Variants in B3GAT2 observed in about 807,000 individuals in gnomAD.
B3GAT2 encodes galactosylgalactosylxylosylprotein 3-beta-glucuronosyltransferase 2.
B3GAT2 carries 26 observed loss-of-function variants against 27.8 expected under a neutral mutation model. That is an observed-to-expected ratio of 0.93 (90% CI 0.68 to 1.30). The LOEUF (loss-of-function observed/expected upper bound fraction) is 1.30. Among genes scored for constraint, B3GAT2 ranks in the 50% most tolerant of loss-of-function variants. The pLI is 0.00. For synonymous variants in B3GAT2, 218 were observed against 195.1 expected (o/e 1.12, Z -0.98); for missense variants, 458 against 459.0 (o/e 1.00, Z 0.02).
chr6:70,956,630 A>G lies in B3GAT2; in HGVS notation c.-201T>C, dbSNP rs559849290. ...GGAGCGGCAGGTTCGCGCAAGCTAGAGCGACAAGGGGTGCAGGCGGGCGGG... is the reference window on the plus strand; with the variant it reads ...GGAGCGGCAGGTTCGCGCAAGCTAGGGCGACAAGGGGTGCAGGCGGGCGGG... On this transcript the variant is annotated 5_prime_UTR_variant, in exon 1 of 4. Coordinates refer to ENST00000230053, the MANE Select transcript of B3GAT2 (RefSeq NM_080742.3). 61 of 1,415,988 alleles carry G rather than the reference A, an allele frequency of 4.3e-5. No homozygotes were observed. Among genetic ancestry groups the G allele is most frequent in the Non-Finnish European group, 5.1e-5 (56 of 1,090,390 alleles). The allele number at this position is 1,415,988 out of a possible 1,614,324, so 87.7% of individuals were successfully genotyped here.
chr6:70,925,487 CAGG>C (rs1219782544), intron 1 of B3GAT2, among the ~76,000 whole-genome samples: 4 of 152,238 alleles, frequency 2.6e-5, no homozygotes, highest in African/African-American at 9.6e-5. Context: ...AACGGCACAC[CAGG>C]AGATTATAAC....
rs763680241 is a variant in B3GAT2 at position 70,956,206 on chromosome 6, G to C, written c.224C>G (p.Pro75Arg). The change falls in exon 1 of 4, where the codon CCG becomes CGG. Residue 75 changes from proline to arginine, a missense_variant. Pro to Arg is a moderately radical substitution (Grantham distance 103, BLOSUM62 -2). Transcript: ENST00000230053. ...KRNQSRPQPQ[P>R]EPQLPTIYAI... ...ATAGATGGTGGGCAGCTGCGGCTCC[G>C]GCTGTGGCTGCGGCCGAGACTGGTT... is the stretch of plus-strand genomic sequence containing the variant. 26 of 1,612,252 alleles carry C rather than the reference G, an allele frequency of 1.6e-5. No individual in the cohort carries two copies. The South Asian group carries it at 2.9e-4, about 18-fold the overall frequency.
In B3GAT2 at chr6:70,957,028, T is replaced by C. The variant is rs1765669639; in HGVS notation, c.-599A>G. 1.0e-5 allele frequency: 10 copies of C among 990,224 alleles called. No homozygotes were observed. The highest frequency in any genetic ancestry group is 1.1e-5 in the Non-Finnish European group (9 of 833,676). 61.3% of individuals were successfully genotyped at this position (990,224 alleles called of 1,614,324 possible). On this transcript the variant is annotated 5_prime_UTR_variant, in exon 1 of 4. Coordinates refer to ENST00000230053, the MANE Select transcript of B3GAT2 (RefSeq NM_080742.3). The stretch of plus-strand genomic sequence containing the variant: ...GAAGCCTGCTCTCAGTCCCTTGCTC[T>C]TGTCTTCTCAGAACCTCTCCGGATC...
chr6:70,896,436 C>T (rs1772387038), intron 1 of B3GAT2, among the ~76,000 whole-genome samples: 1 of 152,126 alleles, frequency 6.6e-6, no homozygotes, highest in South Asian at 2.1e-4. Flanking sequence ...AAATTAGACA[C>T]ATTTTGACAT....
chr6:70,916,300 G>A (rs1335187267), intron 1 of B3GAT2, among the ~76,000 whole-genome samples: 2 of 152,144 alleles, frequency 1.3e-5, no homozygotes, highest in African/African-American at 4.8e-5. Flanking sequence ...GAGATTTGGA[G>A]CTGAGACGAT....
chr6:70,873,536 T>C (rs1771969603), intron 2 of B3GAT2, among the ~76,000 whole-genome samples: 1 of 152,146 alleles, frequency 6.6e-6, no homozygotes, highest in South Asian at 2.1e-4. Context: ...ATGATGTGTC[T>C]AGGTATGAAT....
intron 1 of B3GAT2, among the ~76,000 whole-genome samples, chr6:70,901,512 A>G (rs1772498674): frequency 6.6e-6 from 1 of 152,280 alleles, no homozygotes; most frequent in African/African-American, 2.4e-5. Context: ...GACATAGCCA[A>G]TTGAAACAGC....
chr6:70,932,586 C>T (rs1282288968), intron 1 of B3GAT2, among the ~76,000 whole-genome samples: 7 of 151,888 alleles, frequency 4.6e-5, no homozygotes, highest in Admixed American at 6.6e-5. Context: ...GTACCTAGTC[C>T]GATTCATGGA....
chr6:70,884,127 C>T (rs1191053255), intron 2 of B3GAT2, among the ~76,000 whole-genome samples: 6 of 149,778 alleles, frequency 4.0e-5, no homozygotes, highest in Admixed American at 3.3e-4. Flanking sequence ...AAAAAACCCG[C>T]AACCACACAA....
At chr6:70,930,250 C>T (rs530863574) in intron 1 of B3GAT2, among the ~76,000 whole-genome samples, 1 of 152,172 alleles carries the variant, frequency 6.6e-6, no homozygotes, top group African/African-American at 2.4e-5. Flanking sequence ...TAGAAGAAAA[C>T]GTAGGCTATA....
At chr6:70,876,547 T>C (rs961065950) in intron 2 of B3GAT2, among the ~76,000 whole-genome samples, 1 of 152,228 alleles carries the variant, frequency 6.6e-6, no homozygotes, top group African/African-American at 2.4e-5. Flanking sequence ...TATCATCTTA[T>C]ACGGTTATTG....
At chr6:70,920,092 G>A (rs1772842459) in intron 1 of B3GAT2, among the ~76,000 whole-genome samples, 1 of 151,360 alleles carries the variant, frequency 6.6e-6, no homozygotes, top group Non-Finnish European at 1.5e-5. Context: ...TGTTTACGCT[G>A]TGAGCATAGA....
At chr6:70,955,341 A>C (rs1288454222) in intron 1 of B3GAT2, among the ~76,000 whole-genome samples, 1 of 151,988 alleles carries the variant, frequency 6.6e-6, no homozygotes, top group African/African-American at 2.4e-5. Flanking sequence ...CTTTCTCCCT[A>C]TATGGTCCTA....
chr6:70,872,800 TA>T (rs1225139786), intron 2 of B3GAT2, among the ~76,000 whole-genome samples: 7 of 152,120 alleles, frequency 4.6e-5, no homozygotes, highest in African/African-American at 1.4e-4. Flanking sequence ...ATTAAACAAA[TA>T]TTTCCTAGTG....
In B3GAT2 at chr6:70,860,310, T is replaced by A. The variant is rs140737850; in HGVS notation, c.*1353A>T. ...GGTCTGGAAGCTCATCAGGTCAGAC[T>A]CTCAGCACACAACTGTGGAAATGAA... is the stretch of plus-strand genomic sequence containing the variant. On this transcript the variant is annotated 3_prime_UTR_variant, in exon 4 of 4. Transcript: ENST00000230053. 136 of 1,612,734 alleles carry A rather than the reference T, an allele frequency of 8.4e-5. No homozygotes were observed. The African/African-American group carries it at 1.6e-3, about 19-fold the overall frequency.
chr6:70,948,805 G>A (rs1158835948), intron 1 of B3GAT2, among the ~76,000 whole-genome samples: 2 of 152,186 alleles, frequency 1.3e-5, no homozygotes, highest in Non-Finnish European at 2.9e-5. Context: ...CAAAGCTGGA[G>A]GCATCACACT....
At chr6:70,895,737 C>T (rs983357905) in intron 1 of B3GAT2, among the ~76,000 whole-genome samples, 10 of 151,980 alleles carry the variant, frequency 6.6e-5, no homozygotes, top group Middle Eastern at 3.4e-3. Flanking sequence ...CATTGGTCTG[C>T]CTCAAATCTA....
intron 1 of B3GAT2, among the ~76,000 whole-genome samples, chr6:70,917,839 A>T (rs951524001): frequency 1.2e-4 from 18 of 152,126 alleles, no homozygotes; most frequent in African/African-American, 3.6e-4. Flanking sequence ...TTTTAGAATA[A>T]GTGTGATGTG....
At chr6:70,946,502 A>C (rs1765486054) in intron 1 of B3GAT2, among the ~76,000 whole-genome samples, 1 of 152,104 alleles carries the variant, frequency 6.6e-6, no homozygotes. Context: ...ACATAACGGT[A>C]AAGGGATCAA....
Sources: gnomAD v4.1 joint callset for allele counts (sites outside exome capture counted in the v4.1 genomes callset) on GRCh38, gnomAD v4.1.1 for gene constraint, MANE v1.5 for transcripts, NCBI Gene and HGNC (gene_info 2026-07-23, HGNC 2026-07-21) for gene names.